The following SLC35F3 variants were observed in gnomAD, a reference collection of about 807,000 sequenced individuals.
SLC35F3 encodes the protein putative thiamine transporter SLC35F3.
A neutral mutation model predicts 49.9 loss-of-function variants in SLC35F3; 25 were observed. The ratio of observed to expected loss-of-function variants is 0.50; its 90% CI spans 0.37 to 0.70. SLC35F3 has a LOEUF of 0.70. Among genes scored for constraint, SLC35F3 ranks in the 30% least tolerant of loss-of-function variants. The pLI, the probability that SLC35F3 is intolerant of heterozygous loss-of-function variation, is 0.00. For synonymous variants in SLC35F3, 275 were observed against 265.4 expected, an observed-to-expected ratio of 1.04 and a Z score of -0.35; for missense variants, 525 against 639.8, an observed-to-expected ratio of 0.82 and a Z score of 1.94.
In SLC35F3 at chr1:234,032,950, C is replaced by T. The variant is rs553344053; in HGVS notation, c.283+127192C>T. Reference sequence around the variant, plus strand: ...TTTAAGGAATCCCCATACTGTTTTCCATAGTAGTTATACTAGTTTATATTC... The same window carrying T: ...TTTAAGGAATCCCCATACTGTTTTCTATAGTAGTTATACTAGTTTATATTC... On this transcript the variant is annotated intron_variant, in intron 2 of 7. Coordinates refer to ENST00000366618, the MANE Select transcript of SLC35F3 (RefSeq NM_173508.4). Among the ~76,000 whole-genome samples, 29 of 152,198 alleles carry T rather than the reference C, an allele frequency of 1.9e-4. 1 individual carries two copies. Among genetic ancestry groups the T allele is most frequent in the Non-Finnish European group, 4.3e-4 (29 of 68,008 alleles).
intron 2 of SLC35F3, among the ~76,000 whole-genome samples, chr1:234,088,318 C>T (rs1405547466): frequency 6.6e-6 from 1 of 152,210 alleles, no homozygotes; most frequent in Non-Finnish European, 1.5e-5. Flanking sequence ...AGCAATTCTC[C>T]TGCCTCAGCC....
At chr1:234,081,543 TCCATTATAA>T (rs1664875346) in intron 2 of SLC35F3, among the ~76,000 whole-genome samples, 1 of 152,106 alleles carries the variant, frequency 6.6e-6, no homozygotes, top group Non-Finnish European at 1.5e-5. Flanking sequence ...TGAATATCCT[TCCATTATAA>T]CCACAGAGCC....
At chr1:234,154,727 G>A (rs1021048449) in intron 2 of SLC35F3, among the ~76,000 whole-genome samples, 4 of 152,144 alleles carry the variant, frequency 2.6e-5, no homozygotes, top group African/African-American at 9.7e-5. Flanking sequence ...TGTTAATAAT[G>A]TAGGCATGGG....
chr1:234,137,209 G>A (rs750765733), intron 2 of SLC35F3, among the ~76,000 whole-genome samples: 3 of 152,178 alleles, frequency 2.0e-5, no homozygotes, highest in Non-Finnish European at 4.4e-5. Context: ...TGTAACCTTG[G>A]GTAAAGCAGA....
chr1:234,285,789 T>C lies in SLC35F3; in HGVS notation c.609-23312T>C, dbSNP rs543513530. Among the ~76,000 whole-genome samples the C allele has an allele frequency of 3.9e-4, 60 of 152,288 alleles. 2 individuals carry two copies. The highest frequency in any genetic ancestry group is 3.7e-3 in the Admixed American group (56 of 15,292). The stretch of plus-strand genomic sequence containing the variant: ...GGATTCCTGAGGGGTAGCGGGAGAA[T>C]GTGTGGTGGACACTGTGTAACTGAA... On this transcript the variant is annotated intron_variant, in intron 3 of 7. Coordinates refer to ENST00000366618, the MANE Select transcript of SLC35F3 (RefSeq NM_173508.4).
intron 2 of SLC35F3, among the ~76,000 whole-genome samples, chr1:234,071,049 G>C (rs1052721321): frequency 6.6e-6 from 1 of 152,224 alleles, no homozygotes; most frequent in African/African-American, 2.4e-5. Flanking sequence ...GAGAAAGTCT[G>C]TCTTGTTAGG....
intron 2 of SLC35F3, among the ~76,000 whole-genome samples, chr1:234,112,154 A>G (rs1665416455): frequency 6.6e-6 from 1 of 152,312 alleles, no homozygotes; most frequent in Middle Eastern, 3.4e-3. Flanking sequence ...TAGCCTGGGC[A>G]GTGAGACTTC....
chr1:233,945,994 T>C (rs1236969144), intron 2 of SLC35F3, among the ~76,000 whole-genome samples: 1 of 152,240 alleles, frequency 6.6e-6, no homozygotes, highest in Non-Finnish European at 1.5e-5. Context: ...AAGTGGAAGA[T>C]AGACTTTCAG....
At chr1:234,286,980 G>A (rs1438134348) in intron 3 of SLC35F3, among the ~76,000 whole-genome samples, 1 of 152,128 alleles carries the variant, frequency 6.6e-6, no homozygotes, top group Non-Finnish European at 1.5e-5. Flanking sequence ...GATCAGCTTG[G>A]GCAACATAGC....
At chr1:233,920,467 G>A (rs1396414590) in intron 2 of SLC35F3, among the ~76,000 whole-genome samples, 1 of 152,204 alleles carries the variant, frequency 6.6e-6, no homozygotes, top group Non-Finnish European at 1.5e-5. Context: ...GTTTGCAGTT[G>A]TCTGAAATGA....
intron 3 of SLC35F3, among the ~76,000 whole-genome samples, chr1:234,307,651 A>T (rs542063601): frequency 1.6e-4 from 24 of 152,204 alleles, no homozygotes; most frequent in Middle Eastern, 3.4e-3. Context: ...TATTCTAGAG[A>T]TGTCTTTTCT....
intron 2 of SLC35F3, among the ~76,000 whole-genome samples, chr1:234,065,458 T>G (rs1664604192): frequency 6.6e-6 from 1 of 152,226 alleles, no homozygotes; most frequent in South Asian, 2.1e-4. Context: ...AAACTCTTAT[T>G]TTTTAAAATA....
intron 2 of SLC35F3, among the ~76,000 whole-genome samples, chr1:234,072,040 G>A (rs1664719408): frequency 6.6e-6 from 1 of 152,202 alleles, no homozygotes; most frequent in Non-Finnish European, 1.5e-5. Flanking sequence ...GGAAATAACT[G>A]TTTTTAGAGT....
At chr1:234,122,066 C>T (rs1266598871) in intron 2 of SLC35F3, among the ~76,000 whole-genome samples, 1 of 152,170 alleles carries the variant, frequency 6.6e-6, no homozygotes, top group Admixed American at 6.5e-5. Flanking sequence ...GATTTATAAT[C>T]CTTTGGGTAT....
chr1:233,905,483 A>C (rs922297431), intron 1 of SLC35F3, 46 bp from the exon 2 acceptor site: 2 of 1,412,772 alleles, frequency 1.4e-6, no homozygotes, highest in Non-Finnish European at 2.0e-6. Context: ...CTCTCTGTCC[A>C]TGCTCCCCCT....
intron 3 of SLC35F3, among the ~76,000 whole-genome samples, chr1:234,283,555 T>C (rs1338974842): frequency 6.6e-6 from 1 of 152,236 alleles, no homozygotes; most frequent in East Asian, 1.9e-4. Flanking sequence ...AGACGGATAC[T>C]AACAAGAGGG....
chr1:234,281,597 T>C (rs1668326729), intron 3 of SLC35F3, among the ~76,000 whole-genome samples: 1 of 152,162 alleles, frequency 6.6e-6, no homozygotes, highest in African/African-American at 2.4e-5. Context: ...AACAACAAAA[T>C]AGCTGGTAGT....
chr1:234,164,506 C>T (rs1462192332), intron 2 of SLC35F3, among the ~76,000 whole-genome samples: 4 of 152,112 alleles, frequency 2.6e-5, no homozygotes, highest in Admixed American at 2.6e-4. Context: ...CAAGTACCAT[C>T]CACCACCTTG....
At chr1:234,226,961 GCACA>G (rs57809897) in intron 2 of SLC35F3, among the ~76,000 whole-genome samples, 158 of 148,738 alleles carry the variant, frequency 1.1e-3, no homozygotes, top group Admixed American at 6.2e-3. Flanking sequence ...GCGCACGCGT[GCACA>G]CACACACACA....
Sources: gnomAD v4.1 joint callset for allele counts (sites outside exome capture counted in the v4.1 genomes callset) on GRCh38, gnomAD v4.1.1 for gene constraint, MANE v1.5 for transcripts, NCBI Gene and HGNC (gene_info 2026-07-23, HGNC 2026-07-21) for gene names.